Variants in NSG2 observed in about 807,000 individuals in gnomAD.
The protein encoded by NSG2 is neuronal vesicle trafficking-associated protein 2.
A neutral mutation model predicts 16.9 loss-of-function variants in NSG2; 4 were observed. The observed-to-expected ratio is 0.24, with a 90% CI of 0.12 to 0.54. The LOEUF is 0.54. Among genes scored for constraint, NSG2 ranks in the 20% least tolerant of loss-of-function variants. The probability of loss-of-function intolerance (pLI) is 0.95; values close to 1 mark genes in which losing one functional copy is unlikely to be tolerated. For synonymous variants in NSG2, 98 were observed against 88.7 expected, an observed-to-expected ratio of 1.11 and a Z score of -0.59; for missense variants, 179 against 221.1, an observed-to-expected ratio of 0.81 and a Z score of 1.21.
At chr5:174,099,798 C>T (rs73806560) in intron 3 of NSG2, among the ~76,000 whole-genome samples, 1 of 152,054 alleles carries the variant, frequency 6.6e-6, no homozygotes, top group Non-Finnish European at 1.5e-5. Context: ...ATGTCACATC[C>T]CCCAGGAGGA....
chr5:174,063,363 A>G (rs1479847668), intron 2 of NSG2, among the ~76,000 whole-genome samples: 1 of 152,166 alleles, frequency 6.6e-6, no homozygotes, highest in East Asian at 1.9e-4. Flanking sequence ...TCTTGATAAG[A>G]TGTTAACCAC....
At chr5:174,104,510 T>C (rs1760946985) in intron 4 of NSG2, among the ~76,000 whole-genome samples, 172 bp downstream of exon 4, 1 of 152,216 alleles carries the variant, frequency 6.6e-6, no homozygotes, top group South Asian at 2.1e-4. Context: ...GGACTCAGTC[T>C]CCAGTAAGCA....
chr5:174,092,813 G>A (rs1192216356), intron 3 of NSG2, among the ~76,000 whole-genome samples: 1 of 152,110 alleles, frequency 6.6e-6, no homozygotes, highest in East Asian at 1.9e-4. Flanking sequence ...ACGTGAGGAT[G>A]CTCTATGTGA....
chr5:174,050,099 T>A (rs1278256099), intron 2 of NSG2, among the ~76,000 whole-genome samples: 1 of 152,094 alleles, frequency 6.6e-6, no homozygotes, highest in Non-Finnish European at 1.5e-5. Context: ...TCACAGGACT[T>A]TTGTAGAGGA....
intron 3 of NSG2, among the ~76,000 whole-genome samples, chr5:174,076,095 T>C (rs537748109): frequency 2.6e-4 from 39 of 152,330 alleles, no homozygotes; most frequent in African/African-American, 8.7e-4. Context: ...TGTGTGACCT[T>C]GGGCAAGTCA....
chr5:174,055,409 C>T (rs141191579), intron 2 of NSG2, among the ~76,000 whole-genome samples: 19 of 150,678 alleles, frequency 1.3e-4, no homozygotes, highest in South Asian at 4.2e-4. Flanking sequence ...CTGGCTAACA[C>T]GGTGAAACCC....
intron 4 of NSG2, among the ~76,000 whole-genome samples, chr5:174,104,586 C>G (rs760721928): frequency 2.2e-4 from 34 of 152,292 alleles, no homozygotes; most frequent in Middle Eastern, 3.4e-3. Flanking sequence ...GACGGCACAT[C>G]AGCAATGAGG....
chr5:174,058,592 G>A (rs1468350201), intron 2 of NSG2, among the ~76,000 whole-genome samples: 3 of 152,142 alleles, frequency 2.0e-5, no homozygotes, highest in Non-Finnish European at 2.9e-5. Flanking sequence ...GAGTGGAGAC[G>A]GAGGAGGGCT....
At chr5:174,075,373 A>G (rs1760321054) in intron 3 of NSG2, among the ~76,000 whole-genome samples, 1 of 152,192 alleles carries the variant, frequency 6.6e-6, no homozygotes, top group Non-Finnish European at 1.5e-5. Context: ...TCTTTTATCT[A>G]TACCATCTTC....
At chr5:174,106,735 C>T (rs1581246464) in intron 4 of NSG2, among the ~76,000 whole-genome samples, 1 of 151,978 alleles carries the variant, frequency 6.6e-6, no homozygotes, top group Non-Finnish European at 1.5e-5. Context: ...GCTGGGATTA[C>T]AGGTGTGCAC....
chr5:174,062,999 A>ACC (rs1386398295), intron 2 of NSG2, among the ~76,000 whole-genome samples: 1 of 152,190 alleles, frequency 6.6e-6, no homozygotes, highest in Admixed American at 6.5e-5. Flanking sequence ...TGGACAAGTG[A>ACC]CTTAGCATCT....
At chr5:174,055,501 G>A (rs1759954805) in intron 2 of NSG2, among the ~76,000 whole-genome samples, 1 of 152,144 alleles carries the variant, frequency 6.6e-6, no homozygotes, top group Non-Finnish European at 1.5e-5. Context: ...GGGAGGCTGA[G>A]GCAGGAGAAT....
intron 3 of NSG2, among the ~76,000 whole-genome samples, chr5:174,099,242 G>T (rs368789180): frequency 6.6e-6 from 1 of 152,116 alleles, no homozygotes. Context: ...TCCAGCTCCC[G>T]CCCCACCCCA....
At chr5:174,058,277 C>T (rs573261310) in intron 2 of NSG2, among the ~76,000 whole-genome samples, 2 of 152,054 alleles carry the variant, frequency 1.3e-5, no homozygotes, top group African/African-American at 4.8e-5. Flanking sequence ...AAACAATGAA[C>T]TTGATTAGCC....
rs760327314 is a variant in NSG2, at chr5:174,072,301, A to G, written c.213+7986A>G. On this transcript the variant is annotated intron_variant, in intron 3 of 4. Transcript: ENST00000303177. The surrounding 1 kb of genome is among the most constrained non-coding windows in gnomAD (Gnocchi z 4.0). ...TCCATTGCTTACCTGCCTCTCCCAT[A>G]GGTGCATCCACCTCCCAGAAGCAGT... 6.6e-6 allele frequency among the ~76,000 whole-genome samples: 1 copy of G among 152,116 alleles called. No individual in the cohort carries two copies. Among genetic ancestry groups the G allele is most frequent in the Non-Finnish European group, 1.5e-5 (1 of 68,014 alleles).
In NSG2 at chr5:174,058,417, C is replaced by T. The variant is rs372998255; in HGVS notation, c.130-5815C>T. 1.4e-4 allele frequency among the ~76,000 whole-genome samples: 21 copies of T among 152,038 alleles called. No individual in the cohort carries two copies. In the East Asian group the frequency reaches 2.5e-3, roughly 18 times the overall value. On this transcript the variant is annotated intron_variant, in intron 2 of 4. Coordinates refer to ENST00000303177, the MANE Select transcript of NSG2 (RefSeq NM_015980.5). Reference sequence around the variant, plus strand: ...CTGCACTCCAGCCTGGGCAAAAGAGCGAGACTCTGTAAAAAACAAACAAAC... The same window carrying T: ...CTGCACTCCAGCCTGGGCAAAAGAGTGAGACTCTGTAAAAAACAAACAAAC...
intron 2 of NSG2, among the ~76,000 whole-genome samples, chr5:174,049,579 T>G (rs1759856437): frequency 6.6e-6 from 1 of 152,106 alleles, no homozygotes; most frequent in Non-Finnish European, 1.5e-5. Flanking sequence ...AGTGGTAAAG[T>G]AGTTCCCCAT....
chr5:174,059,515 A>G (rs1760017248), intron 2 of NSG2, among the ~76,000 whole-genome samples: 1 of 152,096 alleles, frequency 6.6e-6, no homozygotes, highest in Admixed American at 6.6e-5. Flanking sequence ...AATTCTAATC[A>G]CTTTTCAGTT....
rs62395636 is a variant in NSG2, at chr5:174,072,248, A to G, written c.213+7933A>G. On this transcript the variant is annotated intron_variant, in intron 3 of 4. Coordinates refer to ENST00000303177, the MANE Select transcript of NSG2 (RefSeq NM_015980.5). This position sits in a 1 kb window ranked among gnomAD's most constrained non-coding sequence, Gnocchi z 4.0. Reference sequence around the variant, plus strand: ...GTCCTTTCTCCTCCCCTTCTAGAGCACATGCCCCACAGTGGCATTTCTGTG... The same window carrying G: ...GTCCTTTCTCCTCCCCTTCTAGAGCGCATGCCCCACAGTGGCATTTCTGTG... Among the ~76,000 whole-genome samples, 6 of 152,190 alleles carry G rather than the reference A, an allele frequency of 3.9e-5. No homozygotes were observed. The highest frequency in any genetic ancestry group is 7.2e-5 in the African/African-American group (3 of 41,450).
Sources: allele counts gnomAD v4.1 joint callset (sites outside exome capture counted in the v4.1 genomes callset), GRCh38; gene constraint gnomAD v4.1.1; non-coding constraint Gnocchi (gnomAD v3.1); transcripts MANE v1.5; gene names NCBI Gene and HGNC (gene_info 2026-07-23, HGNC 2026-07-21).